The following TBC1D32 variants were observed in gnomAD, a reference collection of about 807,000 sequenced individuals.
The protein encoded by TBC1D32 is protein broad-minded.
A neutral mutation model predicts 170.3 loss-of-function variants in TBC1D32; 151 were observed. The ratio of observed to expected loss-of-function variants is 0.89; its 90% CI spans 0.78 to 1.01. The LOEUF is 1.01. Ranked by LOEUF, TBC1D32 falls within the 50% of genes least tolerant of loss-of-function variation. The pLI is 0.00. For missense variants in TBC1D32, 1,464 were observed against 1,457.1 expected (o/e 1.00, Z -0.08); for synonymous variants, 498 against 488.0 (o/e 1.02, Z -0.27).
In TBC1D32 at chr6:121,256,892, G is replaced by A. The variant is rs1456670165; in HGVS notation, c.1734-607C>T. On this transcript the variant is annotated intron_variant, in intron 15 of 31. Transcript: ENST00000398212. ...TCACCATATTGGCCAGACTGGTCTCGAACTCCTGACCTCAGGTGATAAACC... is the reference window on the plus strand; with the variant it reads ...TCACCATATTGGCCAGACTGGTCTCAAACTCCTGACCTCAGGTGATAAACC... 4.0e-5 allele frequency among the ~76,000 whole-genome samples: 6 copies of A among 151,878 alleles called. No homozygotes were observed. The South Asian group carries it at 1.0e-3, about 26-fold the overall frequency.
intron 30 of TBC1D32, among the ~76,000 whole-genome samples, chr6:121,097,240 T>A (rs1777521705): frequency 6.6e-6 from 1 of 151,652 alleles, no homozygotes; most frequent in South Asian, 2.1e-4. Flanking sequence ...AAAAAGAAAA[T>A]ATCATCAAAG....
chr6:121,148,543 T>A (rs1294785461), intron 24 of TBC1D32, among the ~76,000 whole-genome samples: 3 of 152,166 alleles, frequency 2.0e-5, no homozygotes, highest in African/African-American at 7.2e-5. Flanking sequence ...CAGTTCTATA[T>A]CCTTGAGGAA....
intron 12 of TBC1D32, among the ~76,000 whole-genome samples, chr6:121,291,643 C>A (rs888466813): frequency 1.3e-5 from 2 of 151,978 alleles, no homozygotes; most frequent in African/African-American, 4.8e-5. Context: ...GTATTTGCAA[C>A]CTCATTTCTC....
Position 121,175,019 on chromosome 6 carries a change from T to A in TBC1D32, c.2571-13963A>T, listed in dbSNP as rs529990124. Among the ~76,000 whole-genome samples, 86 of 55,840 alleles carry A rather than the reference T, an allele frequency of 1.5e-3. 1 individual carries two copies. In the East Asian group the frequency reaches 0.037, roughly 24 times the overall value. The allele number at this position is 55,840 out of a possible 152,430, so 36.6% of individuals were successfully genotyped here. On this transcript the variant is annotated intron_variant, in intron 22 of 31. Coordinates refer to ENST00000398212, the MANE Select transcript of TBC1D32 (RefSeq NM_152730.6). ...TGTACTCTAGCCTGCGTGACAGACC[T>A]TGTCAAAAAAAAAAAAAAACTGATA... is the stretch of plus-strand genomic sequence containing the variant.
chr6:121,219,595 A>G (rs1415956194), intron 21 of TBC1D32, among the ~76,000 whole-genome samples: 1 of 152,216 alleles, frequency 6.6e-6, no homozygotes, highest in African/African-American at 2.4e-5. Context: ...AATGTGCTAG[A>G]TTTATATACC....
intron 23 of TBC1D32, among the ~76,000 whole-genome samples, chr6:121,160,466 T>C (rs1785477912): frequency 6.8e-6 from 1 of 146,908 alleles, no homozygotes; most frequent in African/African-American, 2.4e-5. Flanking sequence ...CAGTCATTTC[T>C]ATCTTATCTT....
At chr6:121,127,090 TTTGTTGTTG>T (rs905907217) in intron 25 of TBC1D32, among the ~76,000 whole-genome samples, 2 of 152,148 alleles carry the variant, frequency 1.3e-5, no homozygotes, top group African/African-American at 4.8e-5. Flanking sequence ...TTTTGAGTTT[TTTGTTGTTG>T]TTGTTGACAA....
chr6:121,239,092 G>A lies in TBC1D32; in HGVS notation c.2342C>T (p.Pro781Leu). Residue 781 changes from proline to leucine, a missense_variant, in exon 20 of 32, where the codon CCT (proline) becomes CTT (leucine). Physicochemically the swap from Pro to Leu is moderately conservative, Grantham distance 98. Around this residue, in one of 3 missense-constraint regions of TBC1D32, gnomAD observed 1,363 missense variants for 1,338.1 expected, o/e 1.02. Transcript: ENST00000398212. ...VTHPRTTPVD[P>L]IDRSCQKSFL... ...TACCTTTTGACAGCTTCGGTCAATAGGATCCACTGGAGTAGTTCTGGGATG... is the reference window on the plus strand; with the variant it reads ...TACCTTTTGACAGCTTCGGTCAATAAGATCCACTGGAGTAGTTCTGGGATG... The A allele has an allele frequency of 6.3e-7, 1 of 1,594,900 alleles. No individual in the cohort carries two copies. The highest frequency in any genetic ancestry group is 8.6e-7 in the Non-Finnish European group (1 of 1,166,346).
chr6:121,080,618 C>A lies in TBC1D32; in HGVS notation c.*153G>T. On this transcript the variant is annotated 3_prime_UTR_variant, in exon 32 of 32. Coordinates refer to ENST00000398212, the MANE Select transcript of TBC1D32 (RefSeq NM_152730.6). ...TACAAAAATGAATTCACAAATTGAG[C>A]TCATACCTACTTAAATATATCGTTA... is the stretch of plus-strand genomic sequence containing the variant. 1.1e-6 allele frequency: 1 copy of A among 932,052 alleles called. No homozygotes were observed. Among genetic ancestry groups the A allele is most frequent in the Non-Finnish European group, 1.5e-6 (1 of 658,700 alleles). 57.7% of individuals were successfully genotyped at this position (932,052 alleles called of 1,614,324 possible). A position where few individuals can be genotyped will look rare whatever the true frequency, so the allele number is the denominator to read the frequency against.
Position 121,223,311 on chromosome 6 carries a change from A to C in TBC1D32, c.2406T>G (p.Ile802Met), listed in dbSNP as rs537787315. ...GATCTTGATTCCTTACAAGCTCATA[A>C]ATAGCAGGATAGGATAACAAGTTCA... ...ALVNLLSYPAIYELVRNQDLP... is the reference protein window; with the variant it reads ...ALVNLLSYPAMYELVRNQDLP... Residue 802 changes from isoleucine (I) to methionine (M), a missense_variant, in exon 21 of 32, where the codon ATT becomes ATG. Transcript: ENST00000398212. 6.3e-7 allele frequency: 1 copy of C among 1,598,594 alleles called. No individual in the cohort carries two copies. The highest frequency in any genetic ancestry group is 1.4e-5 in the African/African-American group (1 of 73,978).
chr6:121,108,806 T>C (rs988227922), intron 29 of TBC1D32, among the ~76,000 whole-genome samples: 11 of 152,104 alleles, frequency 7.2e-5, no homozygotes, highest in African/African-American at 1.9e-4. Flanking sequence ...TTTGAAACTC[T>C]CCAATTCAAA....
chr6:121,213,469 T>A (rs113557599), intron 21 of TBC1D32, among the ~76,000 whole-genome samples: 3 of 5,658 alleles, frequency 5.3e-4, no homozygotes, highest in Non-Finnish European at 3.2e-3. Flanking sequence ...AAAATAATAA[T>A]AAAATAAAAT....
At chr6:121,310,885 G>C (rs78067941) in intron 3 of TBC1D32, 38 bp from the exon 4 acceptor site, 1 of 1,170,022 alleles carries the variant, frequency 8.5e-7, no homozygotes, top group East Asian at 2.4e-5. Flanking sequence ...TTATTTAGAA[G>C]GCTTTTAGAA....
intron 21 of TBC1D32, among the ~76,000 whole-genome samples, chr6:121,222,076 T>C (rs1450862134): frequency 6.6e-6 from 1 of 152,212 alleles, no homozygotes; most frequent in Non-Finnish European, 1.5e-5. Context: ...ATCAGTCAGC[T>C]GCCATCGACA....
intron 22 of TBC1D32, among the ~76,000 whole-genome samples, chr6:121,180,040 T>A (rs1002369499): frequency 6.6e-5 from 10 of 152,122 alleles, no homozygotes; most frequent in African/African-American, 2.4e-4. Context: ...ATGAAAGATA[T>A]ATGAGACTTC....
In TBC1D32 at chr6:121,242,317, A is replaced by C. The variant is rs1252900561; in HGVS notation, c.2041T>G (p.Leu681Val). Residue 681 changes from leucine (L) to valine (V), a missense_variant, in exon 18 of 32, where the codon TTA becomes GTA. Coordinates refer to ENST00000398212, the MANE Select transcript of TBC1D32 (RefSeq NM_152730.6). ...GCAGCAAAATGTAGTAAATCATCTA[A>C]CAAATTATCTTCCCAAGCCATACTG... is the stretch of plus-strand genomic sequence containing the variant. Reference protein sequence around the residue: ...QNIMAWEDNLLDDLLHFAATP... With the variant: ...QNIMAWEDNLVDDLLHFAATP... 2 of 1,612,874 alleles carry C rather than the reference A, an allele frequency of 1.2e-6. No homozygotes were observed. The highest frequency in any genetic ancestry group is 2.2e-5 in the East Asian group (1 of 44,732).
At chr6:121,220,557 G>A (rs1030909327) in intron 21 of TBC1D32, among the ~76,000 whole-genome samples, 1 of 152,040 alleles carries the variant, frequency 6.6e-6, no homozygotes, top group Admixed American at 6.6e-5. Flanking sequence ...GAAGTAGCAA[G>A]TGCTGATGTA....
intron 17 of TBC1D32, among the ~76,000 whole-genome samples, chr6:121,248,615 TG>T (rs1408857481): frequency 6.6e-6 from 1 of 151,576 alleles, no homozygotes; most frequent in Non-Finnish European, 1.5e-5. Flanking sequence ...GAAATAAAAC[TG>T]GAGTTATTAC....
chr6:121,110,658 G>A (rs1051243464), intron 29 of TBC1D32, among the ~76,000 whole-genome samples: 5 of 152,056 alleles, frequency 3.3e-5, no homozygotes, highest in Non-Finnish European at 7.4e-5. Context: ...CAATGTTTGA[G>A]ACAATGGAAC....
Sources: allele counts gnomAD v4.1 joint callset (sites outside exome capture counted in the v4.1 genomes callset), GRCh38; gene constraint gnomAD v4.1.1; regional missense constraint gnomAD v4.1.1; transcripts MANE v1.5; gene names NCBI Gene and HGNC (gene_info 2026-07-23, HGNC 2026-07-21).